Variants in CYP24A1 observed in about 807,000 individuals in gnomAD.
CYP24A1 encodes cytochrome P450 family 24 subfamily A member 1, also known as 1,25-dihydroxyvitamin D(3) 24-hydroxylase, mitochondrial.
In CYP24A1, 68 loss-of-function variants were observed where a neutral mutation model predicts 62.4. The observed-to-expected ratio is 1.09, with a 90% CI of 0.90 to 1.33. The LOEUF is 1.33. CYP24A1 is among the 40% of genes most tolerant of loss of function. CYP24A1 has a pLI of 0.00. For synonymous variants in CYP24A1, 267 were observed against 253.0 expected (o/e 1.06, Z -0.52); for missense variants, 787 against 653.0 (o/e 1.21, Z -2.24).
rs140021073 is a variant in CYP24A1, at chr20:54,167,989, C to A, written c.640+1603G>T. Among the ~76,000 whole-genome samples, 915 of 152,262 alleles carry A rather than the reference C, an allele frequency of 6.0e-3. 14 individuals are homozygous for A. Among genetic ancestry groups the A allele is most frequent in the Non-Finnish European group, 6.0e-3 (409 of 68,016 alleles). On this transcript the variant is annotated intron_variant, in intron 4 of 11. Transcript: ENST00000216862. Reference sequence around the variant, plus strand: ...AAATTCAAACTCCCGCTCATACAGCCCTCCATGAGCTGGCTGCTGGCCCTC... The same window carrying A: ...AAATTCAAACTCCCGCTCATACAGCACTCCATGAGCTGGCTGCTGGCCCTC...
At chr20:54,163,623 T>G (rs1162457402) in intron 6 of CYP24A1, among the ~76,000 whole-genome samples, 2 of 152,230 alleles carry the variant, frequency 1.3e-5, no homozygotes, top group East Asian at 3.9e-4. Flanking sequence ...GGACCTACCT[T>G]ATAGGTGTGT....
rs1470436783 is a variant in CYP24A1 at position 54,173,601 on chromosome 20, G to T, written c.-22C>A. The T allele has an allele frequency of 6.4e-7, 1 of 1,555,100 alleles. No homozygotes were observed. The highest frequency in any genetic ancestry group is 1.8e-5 in the Admixed American group (1 of 56,006). On this transcript the variant is annotated 5_prime_UTR_variant, in exon 1 of 12. Coordinates refer to ENST00000216862, the MANE Select transcript of CYP24A1 (RefSeq NM_000782.5). The surrounding 1 kb of genome is among the most constrained non-coding windows in gnomAD (Gnocchi z 7.2). Reference sequence around the variant, plus strand: ...TCATGGCAGCGGGGGACACCGGAGCGCGGGAAGGCAGGAGGATGGGGTGGG... The same window carrying T: ...TCATGGCAGCGGGGGACACCGGAGCTCGGGAAGGCAGGAGGATGGGGTGGG...
At chr20:54,169,745 C>A (rs2092687756) in intron 3 of CYP24A1, 57 bp from the exon 4 acceptor site, 1 of 1,609,740 alleles carries the variant, frequency 6.2e-7, no homozygotes, top group South Asian at 1.1e-5. Context: ...GAAAACAAAA[C>A]TTTAAAGCTC....
chr20:54,148,411 C>T, the CYP24A1 span, among the ~76,000 whole-genome samples: 6 of 149,234 alleles, frequency 4.0e-5, no homozygotes, highest in Admixed American at 2.7e-4. Flanking sequence ...CACACACACA[C>T]GTCTTAACTC....
chr20:54,148,951 A>G (rs927627197), downstream of CYP24A1, among the ~76,000 whole-genome samples: 1 of 152,134 alleles, frequency 6.6e-6, no homozygotes, highest in Non-Finnish European at 1.5e-5. Flanking sequence ...GCTCACCACA[A>G]TAGCAAGTTT....
intron 4 of CYP24A1, among the ~76,000 whole-genome samples, chr20:54,166,172 T>A (rs2092671296): frequency 6.6e-6 from 1 of 152,152 alleles, no homozygotes; most frequent in South Asian, 2.1e-4. Flanking sequence ...CCCAGCTGTG[T>A]TTTTAGAGTC....
downstream of CYP24A1, among the ~76,000 whole-genome samples, chr20:54,148,791 C>G (rs1017555667): frequency 1.3e-5 from 2 of 152,152 alleles, no homozygotes; most frequent in African/African-American, 4.8e-5. Flanking sequence ...TCTGCAAGCT[C>G]GCACTGACAT....
At chr20:54,157,039 T>G (rs2092630591) in intron 11 of CYP24A1, 130 bp downstream of exon 11, 6 of 650,000 alleles carry the variant, frequency 9.2e-6, no homozygotes, top group South Asian at 1.7e-5. Flanking sequence ...TTTAGGGAAC[T>G]GCTCAAGGTC....
chr20:54,159,327 AT>A lies in CYP24A1; in HGVS notation c.991-205del, dbSNP rs1195855104. ...CATAAAACATATCAATTAAGGATAT[AT>A]TTTAAATTATTTACTGAGGGAATCA... On this transcript the variant is annotated intron_variant, in intron 7 of 11. Transcript: ENST00000216862. Among the ~76,000 whole-genome samples the A allele has an allele frequency of 3.3e-5, 5 of 152,046 alleles. No homozygotes were observed. In the East Asian group the frequency reaches 9.6e-4, roughly 29 times the overall value.
downstream of CYP24A1, among the ~76,000 whole-genome samples, chr20:54,150,077 T>G (rs1427818350): frequency 6.6e-6 from 1 of 152,162 alleles, no homozygotes; most frequent in Non-Finnish European, 1.5e-5. Context: ...TCCCACTGCT[T>G]AAGGTCATCG....
chr20:54,151,859 C>T (rs1047023720), downstream of CYP24A1, among the ~76,000 whole-genome samples: 1 of 151,772 alleles, frequency 6.6e-6, no homozygotes, highest in East Asian at 1.9e-4. Context: ...TACTGAGCAC[C>T]TCTGTGCCTC....
Position 54,168,796 on chromosome 20 carries a change from TTCCC to T in CYP24A1, c.640+792_640+795del, listed in dbSNP as rs1333431846. Among the ~76,000 whole-genome samples the T allele has an allele frequency of 5.3e-3, 256 of 48,152 alleles. 3 individuals carry two copies. The highest frequency in any genetic ancestry group is 0.031 in the South Asian group (32 of 1,048). The allele number at this position is 48,152 out of a possible 152,430, so 31.6% of individuals were successfully genotyped here. On this transcript the variant is annotated intron_variant, in intron 4 of 11. Transcript: ENST00000216862. Reference sequence around the variant, plus strand: ...CTTCCTTCCCTCCCTCCCTTCTGCCTTCCCTCCCTCCCTCCCTCCCTCCTTCCTT... The same window carrying T: ...CTTCCTTCCCTCCCTCCCTTCTGCCTTCCCTCCCTCCCTCCCTCCTTCCTT...
chr20:54,164,503 T>C lies in CYP24A1; in HGVS notation c.793A>G (p.Thr265Ala), dbSNP rs1329829031. Residue 265 changes from threonine to alanine, a missense_variant, in exon 6 of 12, where the codon ACC becomes GCC. By Grantham distance (58) the Thr-to-Ala change is moderately conservative. Transcript: ENST00000216862. Reference sequence around the variant, plus strand: ...AGAGTGTGGTCCTGCCAGACCTTGGTGTTGAGGCTCTTGTGCAGCTCGACT... The same window carrying C: ...AGAGTGTGGTCCTGCCAGACCTTGGCGTTGAGGCTCTTGTGCAGCTCGACT... ...TPVELHKSLN[T>A]KVWQDHTLAW... 5 of 1,614,126 alleles carry C rather than the reference T, an allele frequency of 3.1e-6. No individual in the cohort carries two copies. Among genetic ancestry groups the C allele is most frequent in the Non-Finnish European group, 4.2e-6 (5 of 1,180,014 alleles).
chr20:54,159,194 A>T (rs749954316), intron 7 of CYP24A1, 71 bp from the exon 8 acceptor site: 1 of 1,208,018 alleles, frequency 8.3e-7, no homozygotes, highest in South Asian at 1.2e-5. Flanking sequence ...GCTGAAAAAA[A>T]GGTGATGCCC....
At chr20:54,158,045 C>G (rs1241503838) in intron 9 of CYP24A1, 41 bp downstream of exon 9, 1 of 1,610,492 alleles carries the variant, frequency 6.2e-7, no homozygotes, top group Non-Finnish European at 8.5e-7. Context: ...AGTGTATCTT[C>G]CAAGGTTTTG....
intron 4 of CYP24A1, among the ~76,000 whole-genome samples, chr20:54,167,498 G>A (rs892217746): frequency 2.0e-5 from 3 of 152,138 alleles, no homozygotes; most frequent in Admixed American, 6.5e-5. Context: ...TTAGTCAGGC[G>A]TGGTATCGCA....
At chr20:54,159,417 T>G (rs1012509349) in intron 7 of CYP24A1, among the ~76,000 whole-genome samples, 10 of 137,732 alleles carry the variant, frequency 7.3e-5, no homozygotes, top group African/African-American at 2.3e-4. Context: ...TTTTTTGAGA[T>G]GGAGTCTCAC....
rs1388369153 is a variant in CYP24A1 at position 54,154,322 on chromosome 20, A to G, written c.*450T>C. 6.6e-6 allele frequency: 1 copy of G among 152,180 alleles called. No homozygotes were observed. The highest frequency in any genetic ancestry group is 1.5e-5 in the Non-Finnish European group (1 of 68,016). 9.4% of individuals were successfully genotyped at this position (152,180 alleles called of 1,614,324 possible). ...TTTATTTCAATGCAGGAAGAACGCA[A>G]TTTCATGGGAGGCCTGATAACTTTA... is the stretch of plus-strand genomic sequence containing the variant. On this transcript the variant is annotated 3_prime_UTR_variant, in exon 12 of 12. Coordinates refer to ENST00000216862, the MANE Select transcript of CYP24A1 (RefSeq NM_000782.5).
intron 2 of CYP24A1, chr20:54,172,650 C>G: frequency 1.4e-6 from 1 of 736,406 alleles, no homozygotes; most frequent in East Asian, 3.0e-5. Flanking sequence ...TTTGGCGTTT[C>G]TTTGATGGGA....
Sources: allele counts gnomAD v4.1 joint callset (sites outside exome capture counted in the v4.1 genomes callset), GRCh38; gene constraint gnomAD v4.1.1; non-coding constraint Gnocchi (gnomAD v3.1); transcripts MANE v1.5; gene names NCBI Gene and HGNC (gene_info 2026-07-23, HGNC 2026-07-21).